MAP4K5: variants seen among roughly 807,000 people sequenced by gnomAD.
MAP4K5 encodes the protein mitogen-activated protein kinase kinase kinase kinase 5.
A neutral mutation model predicts 135.6 loss-of-function variants in MAP4K5; 82 were observed. The observed-to-expected ratio is 0.60, with a 90% CI of 0.51 to 0.73. The LOEUF is 0.73. Ranked by LOEUF, MAP4K5 falls within the 30% of genes least tolerant of loss-of-function variation. The pLI is 0.00. For missense variants in MAP4K5, 907 were observed against 1,010.9 expected, an observed-to-expected ratio of 0.90 and a Z score of 1.39; for synonymous variants, 347 against 335.0, an observed-to-expected ratio of 1.04 and a Z score of -0.39.
intron 3 of MAP4K5, among the ~76,000 whole-genome samples, chr14:50,487,718 A>G (rs1205185341): frequency 6.6e-6 from 1 of 152,206 alleles, no homozygotes; most frequent in East Asian, 1.9e-4. Context: ...TTATCAGTTT[A>G]GCCAGCTGTG....
At chr14:50,490,471 A>G (rs2139954435) in intron 3 of MAP4K5, among the ~76,000 whole-genome samples, 1 of 152,340 alleles carries the variant, frequency 6.6e-6, no homozygotes, top group African/African-American at 2.4e-5. Flanking sequence ...TAAATTAAGC[A>G]TGTTCAGTAA....
intron 2 of MAP4K5, among the ~76,000 whole-genome samples, chr14:50,512,767 T>C (rs1227775134): frequency 6.6e-6 from 1 of 152,154 alleles, no homozygotes. Flanking sequence ...AATTTAACTA[T>C]ACAAATTCGC....
chr14:50,483,021 T>C (rs557714739), intron 5 of MAP4K5: 10 of 152,382 alleles, frequency 6.6e-5, no homozygotes, highest in African/African-American at 1.7e-4. Context: ...GTATGCATTA[T>C]AGGAAGGTCT....
At chr14:50,523,327 A>G (rs577734381) in intron 2 of MAP4K5, among the ~76,000 whole-genome samples, 1 of 152,098 alleles carries the variant, frequency 6.6e-6, no homozygotes, top group Non-Finnish European at 1.5e-5. Context: ...AAAAAATCAT[A>G]AATAAATAAA....
intron 3 of MAP4K5, among the ~76,000 whole-genome samples, chr14:50,491,600 T>C (rs536805054): frequency 6.6e-5 from 10 of 152,172 alleles, no homozygotes; most frequent in Admixed American, 5.2e-4. Context: ...CGCAGCTTAT[T>C]ATCTCTTAAA....
intron 18 of MAP4K5, 150 bp from the exon 19 acceptor site, chr14:50,444,186 T>C (rs1490592595): frequency 4.7e-6 from 3 of 644,352 alleles, no homozygotes; most frequent in Non-Finnish European, 8.3e-6. Context: ...ATCTTTGGTG[T>C]CTTTCTCTAG....
chr14:50,464,056 A>T lies in MAP4K5; in HGVS notation c.815T>A (p.Leu272Gln). ...CTCGTAATTTCAATGACTTACAGTCAGAAGTCTTTCAGCAGTTGGTCTTTT... is the reference window on the plus strand; with the variant it reads ...CTCGTAATTTCAATGACTTACAGTCTGAAGTCTTTCAGCAGTTGGTCTTTT... ...PKKRPTAERL[L>Q]THTFVAQPGL... Residue 272 changes from leucine to glutamine, a missense_variant, in exon 12 of 33, where the codon CTG (leucine) becomes CAG (glutamine). By Grantham distance (113) the Leu-to-Gln change is moderately radical. This residue lies in a region of MAP4K5 where 690 missense variants were observed against 777.4 expected (regional missense o/e 0.89). Coordinates refer to ENST00000682126, the MANE Select transcript of MAP4K5 (RefSeq NM_006575.6). 1 of 1,533,712 alleles carries T rather than the reference A, an allele frequency of 6.5e-7. No homozygotes were observed. Among genetic ancestry groups the T allele is most frequent in the Non-Finnish European group, 8.8e-7 (1 of 1,130,232 alleles).
intron 5 of MAP4K5, among the ~76,000 whole-genome samples, chr14:50,483,831 C>A (rs1441712084): frequency 6.9e-6 from 1 of 144,244 alleles, no homozygotes; most frequent in Admixed American, 7.0e-5. Context: ...GAAAAGACAG[C>A]AATTCCATTT....
chr14:50,533,639 C>G (rs1392154500), upstream of MAP4K5, among the ~76,000 whole-genome samples: 2 of 151,986 alleles, frequency 1.3e-5, no homozygotes, highest in Non-Finnish European at 2.9e-5. Flanking sequence ...AACAGAAAAG[C>G]CAGATAACAC....
chr14:50,446,472 T>G (rs1303227954), intron 16 of MAP4K5, among the ~76,000 whole-genome samples: 1 of 152,214 alleles, frequency 6.6e-6, no homozygotes, highest in African/African-American at 2.4e-5. Context: ...CATCAAACCT[T>G]TTGTTACTCA....
At chr14:50,517,693 C>T (rs1158699924) in intron 2 of MAP4K5, among the ~76,000 whole-genome samples, 2 of 151,832 alleles carry the variant, frequency 1.3e-5, no homozygotes, top group Non-Finnish European at 2.9e-5. Context: ...TGCTTCAACC[C>T]GGGAGGCGGA....
At chr14:50,553,808 G>C (rs934355248) in intron 1 of MAP4K5, among the ~76,000 whole-genome samples, 1 of 152,246 alleles carries the variant, frequency 6.6e-6, no homozygotes, top group South Asian at 2.1e-4. Flanking sequence ...GCAGCAACTT[G>C]GATGGAGTTG....
At chr14:50,427,902 C>T (rs951586035) in intron 30 of MAP4K5, among the ~76,000 whole-genome samples, 1 of 152,084 alleles carries the variant, frequency 6.6e-6, no homozygotes, top group Non-Finnish European at 1.5e-5. Context: ...CAACACACAC[C>T]ACCCAGAATC....
At chr14:50,433,861 A>AT (rs2036029918) in intron 28 of MAP4K5, among the ~76,000 whole-genome samples, 1 of 152,234 alleles carries the variant, frequency 6.6e-6, no homozygotes, top group Non-Finnish European at 1.5e-5. Flanking sequence ...TTAAAAAATG[A>AT]TTTATTGAAT....
At chr14:50,545,295 G>A (rs557893250) in intron 1 of MAP4K5, among the ~76,000 whole-genome samples, 1 of 152,182 alleles carries the variant, frequency 6.6e-6, no homozygotes, top group Non-Finnish European at 1.5e-5. Flanking sequence ...AACTGTCTGA[G>A]TCACGTTTTG....
chr14:50,491,224 T>A (rs2037477233), intron 3 of MAP4K5, among the ~76,000 whole-genome samples: 1 of 152,018 alleles, frequency 6.6e-6, no homozygotes, highest in Non-Finnish European at 1.5e-5. Flanking sequence ...TCCAAAAATA[T>A]GACAGTAGAT....
chr14:50,530,887 T>C (rs1742018734), intron 2 of MAP4K5, among the ~76,000 whole-genome samples: 1 of 152,090 alleles, frequency 6.6e-6, no homozygotes, highest in Non-Finnish European at 1.5e-5. Flanking sequence ...TAAAAGTAAG[T>C]AGAAAGAGGG....
At chr14:50,443,336 C>T (rs1392682959) in intron 20 of MAP4K5, among the ~76,000 whole-genome samples, 1 of 59,088 alleles carries the variant, frequency 1.7e-5, no homozygotes, top group Non-Finnish European at 3.7e-5. Context: ...AGATAAGTTC[C>T]ACTGACTGGC....
chr14:50,537,864 A>G (rs1182745426), intron 2 of MAP4K5, among the ~76,000 whole-genome samples: 4 of 152,110 alleles, frequency 2.6e-5, no homozygotes, highest in African/African-American at 4.8e-5. Flanking sequence ...CCTGCTTTTG[A>G]TTTTACAGGC....
Sources: gnomAD v4.1 joint callset for allele counts (sites outside exome capture counted in the v4.1 genomes callset) on GRCh38, gnomAD v4.1.1 for gene constraint, gnomAD v4.1.1 regional missense constraint, MANE v1.5 for transcripts, NCBI Gene and HGNC (gene_info 2026-07-23, HGNC 2026-07-21) for gene names.